Variants in MACROD1 observed in about 807,000 individuals in gnomAD.
MACROD1 encodes ADP-ribose glycohydrolase MACROD1.
MACROD1 carries 31 observed loss-of-function variants against 41.4 expected under a neutral mutation model. That is an observed-to-expected ratio of 0.75 (90% CI 0.56 to 1.01). The LOEUF is 1.01. Among genes scored for constraint, MACROD1 ranks in the 50% least tolerant of loss-of-function variants. The pLI is 0.00. For synonymous variants in MACROD1, 252 were observed against 203.4 expected (o/e 1.24, Z -2.03); for missense variants, 473 against 460.0 (o/e 1.03, Z -0.26).
At chr11:64,027,171 G>T (rs1943234047) in intron 3 of MACROD1, among the ~76,000 whole-genome samples, 1 of 152,254 alleles carries the variant, frequency 6.6e-6, no homozygotes, top group South Asian at 2.1e-4. Context: ...CAGTGGGGAA[G>T]GGGCTTTGCA....
chr11:63,999,503 T>C, intron 7 of MACROD1, 27 bp downstream of exon 7: 14 of 1,599,132 alleles, frequency 8.8e-6, no homozygotes, highest in Non-Finnish European at 1.1e-5. Flanking sequence ...CGCCCACTCC[T>C]GGTCCTTGCC....
chr11:64,165,555 G>A (rs938074592), intron 1 of MACROD1, 142 bp downstream of exon 1: 4 of 651,300 alleles, frequency 6.1e-6, no homozygotes, highest in Non-Finnish European at 9.4e-6. Flanking sequence ...TGGGGAGGAG[G>A]GGTCCGTTCC....
At chr11:64,121,701 C>G (rs1590940764) in intron 3 of MACROD1, among the ~76,000 whole-genome samples, 1 of 152,238 alleles carries the variant, frequency 6.6e-6, no homozygotes, top group Non-Finnish European at 1.5e-5. Context: ...CCCAGCCTGT[C>G]TAAATTCTCC....
At chr11:64,111,162 G>A (rs1021043305) in intron 3 of MACROD1, among the ~76,000 whole-genome samples, 7 of 152,266 alleles carry the variant, frequency 4.6e-5, no homozygotes, top group Non-Finnish European at 1.0e-4. Context: ...GGGAACAGAT[G>A]TCCATACCAG....
intron 3 of MACROD1, among the ~76,000 whole-genome samples, chr11:64,091,514 G>A (rs1414069142): frequency 6.6e-6 from 1 of 151,978 alleles, no homozygotes; most frequent in Non-Finnish European, 1.5e-5. Flanking sequence ...TGGGGTTGGT[G>A]GGTTACAACA....
At chr11:64,121,242 C>T (rs1945092892) in intron 3 of MACROD1, among the ~76,000 whole-genome samples, 1 of 152,150 alleles carries the variant, frequency 6.6e-6, no homozygotes, top group African/African-American at 2.4e-5. Flanking sequence ...CTCCTTGGGC[C>T]CCAGGACCAC....
At chr11:64,154,256 G>A (rs1034622262) in intron 1 of MACROD1, among the ~76,000 whole-genome samples, 3 of 152,046 alleles carry the variant, frequency 2.0e-5, no homozygotes, top group East Asian at 1.9e-4. Flanking sequence ...AAAACAGAAC[G>A]TTTGACTCTT....
intron 3 of MACROD1, among the ~76,000 whole-genome samples, chr11:64,040,822 C>T (rs1300251132): frequency 6.6e-6 from 1 of 152,014 alleles, no homozygotes; most frequent in South Asian, 2.1e-4. Flanking sequence ...TCCTGGAGGG[C>T]CCCGGACCCG....
At position 64,064,339 on chromosome 11, in the gene MACROD1, C is replaced by T. The variant is rs1943957377; in HGVS notation, c.518-49058G>A. Among the ~76,000 whole-genome samples, 1 of 152,158 alleles carries T rather than the reference C, an allele frequency of 6.6e-6. No homozygotes were observed. Among genetic ancestry groups the T allele is most frequent in the African/African-American group, 2.4e-5 (1 of 41,446 alleles). On this transcript the variant is annotated intron_variant, in intron 3 of 10. Transcript: ENST00000255681. The surrounding 1 kb of genome is among the most constrained non-coding windows in gnomAD (Gnocchi z 4.5). ...GGGTGATGTCTCATCAGAAGAGGGG[C>T]CTGCCTGTCCAGGTAGATCCTATGG... is the stretch of plus-strand genomic sequence containing the variant.
intron 3 of MACROD1, among the ~76,000 whole-genome samples, chr11:64,058,676 C>T (rs1412170592): frequency 6.6e-6 from 1 of 152,260 alleles, no homozygotes; most frequent in Non-Finnish European, 1.5e-5. Context: ...TCCCGCTCCA[C>T]GCCGGCTGCA....
chr11:64,165,774 C>T lies in MACROD1; in HGVS notation c.221G>A (p.Gly74Glu). Residue 74 changes from glycine to glutamate, a missense_variant, in exon 1 of 11, where the codon GGG (glycine) becomes GAG (glutamate). Transcript: ENST00000255681. ...WGAAAVGRTA[G>E]VRTWAPLAMA... ...GGCCAGGGGGGCCCAAGTGCGCACC[C>T]CGGCTGTCCGCCCCACCGCCGCCGC... 1 of 1,495,612 alleles carries T rather than the reference C, an allele frequency of 6.7e-7. No individual in the cohort carries two copies. Among genetic ancestry groups the T allele is most frequent in the Non-Finnish European group, 8.9e-7 (1 of 1,128,732 alleles). 92.6% of individuals were successfully genotyped at this position (1,495,612 alleles called of 1,614,324 possible).
chr11:64,156,158 G>T (rs997036957), intron 1 of MACROD1, among the ~76,000 whole-genome samples: 5 of 151,460 alleles, frequency 3.3e-5, no homozygotes, highest in Non-Finnish European at 7.4e-5. Context: ...ACATGTGCCT[G>T]TAGTCCCAAC....
chr11:64,045,545 T>C lies in MACROD1; in HGVS notation c.518-30264A>G, dbSNP rs201112128. 5.6e-4 allele frequency among the ~76,000 whole-genome samples: 86 copies of C among 152,272 alleles called. 1 individual carries two copies. In the East Asian group the frequency reaches 0.011, roughly 19 times the overall value. ...CCTATCCCAGCCTCTGGGTCACTTA[T>C]GGGACCCAATTTGGTAGGTAGGGGG... is the stretch of plus-strand genomic sequence containing the variant. On this transcript the variant is annotated intron_variant, in intron 3 of 10. Transcript: ENST00000255681.
chr11:63,999,058 C>T lies in MACROD1; in HGVS notation c.892-22G>A, dbSNP rs375853485. On this transcript the variant is annotated intron_variant, in intron 8 of 10. Transcript: ENST00000255681. Reference sequence around the variant, plus strand: ...CCACCTGCGCCAGGGGCTGCTCAGCCTGGGCCGAGCTGCCACGCCTGGCCC... The same window carrying T: ...CCACCTGCGCCAGGGGCTGCTCAGCTTGGGCCGAGCTGCCACGCCTGGCCC... 2.1e-4 allele frequency: 334 copies of T among 1,580,416 alleles called. 2 individuals carry two copies. The African/African-American group carries it at 3.4e-3, about 16-fold the overall frequency.
At chr11:64,157,524 G>A (rs1025412009) in intron 1 of MACROD1, among the ~76,000 whole-genome samples, 3 of 152,140 alleles carry the variant, frequency 2.0e-5, no homozygotes, top group African/African-American at 7.2e-5. Context: ...CATTTTTGAA[G>A]AGGCAAGAGT....
chr11:64,107,183 C>T (rs1322498671), intron 3 of MACROD1, among the ~76,000 whole-genome samples: 1 of 152,224 alleles, frequency 6.6e-6, no homozygotes, highest in East Asian at 1.9e-4. Flanking sequence ...GCCCAGCCCA[C>T]TGGGCTTTCT....
At chr11:64,150,597 T>G (rs1344479002) in intron 3 of MACROD1, among the ~76,000 whole-genome samples, 1 of 152,202 alleles carries the variant, frequency 6.6e-6, no homozygotes, top group East Asian at 1.9e-4. Flanking sequence ...AACCAGCCCT[T>G]GGCACCCCAT....
At chr11:64,049,324 G>C (rs1943646256) in intron 3 of MACROD1, among the ~76,000 whole-genome samples, 1 of 152,222 alleles carries the variant, frequency 6.6e-6, no homozygotes, top group African/African-American at 2.4e-5. Flanking sequence ...GATTGAACAG[G>C]GTCCTACCGA....
intron 3 of MACROD1, among the ~76,000 whole-genome samples, chr11:64,039,244 G>A (rs769526748): frequency 6.6e-6 from 1 of 152,132 alleles, no homozygotes; most frequent in Non-Finnish European, 1.5e-5. Context: ...AAGAAGGGGC[G>A]TGGGTGTGGC....
Sources: allele counts gnomAD v4.1 joint callset (sites outside exome capture counted in the v4.1 genomes callset), GRCh38; gene constraint gnomAD v4.1.1; non-coding constraint Gnocchi (gnomAD v3.1); transcripts MANE v1.5; gene names NCBI Gene and HGNC (gene_info 2026-07-23, HGNC 2026-07-21).